The following STIM1 variants were observed in gnomAD, a reference collection of about 807,000 sequenced individuals.
STIM1 encodes stromal interaction molecule 1.
In STIM1, 25 loss-of-function variants were observed where a neutral mutation model predicts 74.7. The ratio of observed to expected loss-of-function variants is 0.33; its 90% CI spans 0.24 to 0.47. STIM1 has a LOEUF of 0.47. Among genes scored for constraint, STIM1 ranks in the 20% least tolerant of loss-of-function variants. The pLI, the probability that STIM1 is intolerant of heterozygous loss-of-function variation, is 1.00. For synonymous variants in STIM1, 328 were observed against 348.8 expected, an observed-to-expected ratio of 0.94 and a Z score of 0.66; for missense variants, 728 against 920.8, an observed-to-expected ratio of 0.79 and a Z score of 2.71.
chr11:4,015,018 GTC>G (rs1565148986), intron 2 of STIM1, among the ~76,000 whole-genome samples: 1 of 152,170 alleles, frequency 6.6e-6, no homozygotes, highest in African/African-American at 2.4e-5. Context: ...ACCACTCTGT[GTC>G]TTTTAATTGG....
Position 4,083,329 on chromosome 11 carries a change from C to T in STIM1, c.1305C>T (p.Ile435=), listed in dbSNP as rs199801171. The change falls in exon 10 of 13, where the codon ATC becomes ATT. Residue 435 remains isoleucine (I), a synonymous_variant. Transcript: ENST00000526596. ...TGCACCGCTGGCAACAGATCGAGAT[C>T]CTCTGTGGCTTCCAGATTGTCAACA... The part of the protein sequence containing the change: ...ERLHRWQQIE[I]LCGFQIVNNP... The T allele has an allele frequency of 2.9e-4, 476 of 1,614,246 alleles. 7 individuals are homozygous for T. The South Asian group carries it at 4.9e-3, about 16-fold the overall frequency.
intron 7 of STIM1, among the ~76,000 whole-genome samples, chr11:4,076,317 C>T (rs968310756): frequency 1.3e-5 from 2 of 151,612 alleles, no homozygotes; most frequent in Non-Finnish European, 2.9e-5. Context: ...AAAAGCCCGT[C>T]TGTACTAAAA....
intron 1 of STIM1, among the ~76,000 whole-genome samples, chr11:3,931,985 T>A (rs1437194722): frequency 6.6e-6 from 1 of 152,218 alleles, no homozygotes; most frequent in Non-Finnish European, 1.5e-5. Context: ...AAATGCTATG[T>A]AAATTGCACG....
At chr11:3,941,673 T>TATATATAGAGAGAGAG (rs141623520) in intron 1 of STIM1, among the ~76,000 whole-genome samples, 5 of 90,732 alleles carry the variant, frequency 5.5e-5, no homozygotes, top group African/African-American at 1.8e-4. Flanking sequence ...TATATATATA[T>TATATATAGAGAGAGAG]AGAGAGAGAG....
At chr11:3,965,664 GAT>G (rs1252751867) in intron 1 of STIM1, among the ~76,000 whole-genome samples, 2 of 152,206 alleles carry the variant, frequency 1.3e-5, no homozygotes, top group Non-Finnish European at 2.9e-5. Flanking sequence ...TTTATGCAGA[GAT>G]ATTTCTTTTT....
At chr11:3,989,416 T>G (rs2093587878) in intron 2 of STIM1, 1 of 740,156 alleles carries the variant, frequency 1.4e-6, no homozygotes. Context: ...CCTCTTGGGC[T>G]CTTCCTTGGC....
At chr11:4,052,876 TCAAA>T (rs1378533552) in intron 3 of STIM1, among the ~76,000 whole-genome samples, 4 of 151,932 alleles carry the variant, frequency 2.6e-5, no homozygotes, top group Non-Finnish European at 4.4e-5. Context: ...TACAAAGAAC[TCAAA>T]CAAAGTTACA....
At position 3,855,944 on chromosome 11, in the gene STIM1, C is replaced by G; in HGVS notation, c.-327C>G. The G allele has an allele frequency of 2.8e-6, 1 of 361,092 alleles. No homozygotes were observed. The highest frequency in any genetic ancestry group is 2.8e-5 in the South Asian group (1 of 35,632). 22.4% of individuals were successfully genotyped at this position (361,092 alleles called of 1,614,324 possible). ...GTGCCCGCGGAGACTCCGGCCGCCC[C>G]CTTCCGCAGGGGTGTAGTAATCTGC... On this transcript the variant is annotated 5_prime_UTR_variant, in exon 1 of 13. Coordinates refer to ENST00000526596, the MANE Select transcript of STIM1 (RefSeq NM_001382567.1).
chr11:4,088,650 T>C, intron 12 of STIM1: 2 of 1,515,056 alleles, frequency 1.3e-6, no homozygotes, highest in Non-Finnish European at 1.8e-6. Context: ...GAGAGGTACC[T>C]GTATCCACCT....
intron 3 of STIM1, among the ~76,000 whole-genome samples, chr11:4,053,301 A>G (rs1590676823): frequency 6.6e-6 from 1 of 152,226 alleles, no homozygotes; most frequent in African/African-American, 2.4e-5. Context: ...TTGCAGCACT[A>G]TTCAAAATAG....
chr11:3,979,420 T>A (rs1424025628), intron 2 of STIM1, among the ~76,000 whole-genome samples: 1 of 152,214 alleles, frequency 6.6e-6, no homozygotes, highest in East Asian at 1.9e-4. Flanking sequence ...AATCCGATTT[T>A]AGCCTTTCTT....
chr11:3,957,204 A>G (rs1457003873), intron 1 of STIM1, among the ~76,000 whole-genome samples: 2 of 152,194 alleles, frequency 1.3e-5, no homozygotes, highest in African/African-American at 2.4e-5. Flanking sequence ...TCAGAAGTAT[A>G]TCTCATTGCA....
intron 2 of STIM1, among the ~76,000 whole-genome samples, chr11:3,971,992 A>G (rs1490816018): frequency 1.3e-5 from 2 of 152,236 alleles, no homozygotes; most frequent in Admixed American, 6.5e-5. Context: ...CATGGATGAC[A>G]AATGGTCTAC....
chr11:4,080,190 G>A (rs759118659), intron 7 of STIM1, among the ~76,000 whole-genome samples: 1 of 152,128 alleles, frequency 6.6e-6, no homozygotes, highest in Non-Finnish European at 1.5e-5. Context: ...AGGTTGCAGT[G>A]AGCTGAGACT....
intron 5 of STIM1, 102 bp downstream of exon 5, chr11:4,059,498 C>A: frequency 1.2e-6 from 1 of 851,252 alleles, no homozygotes; most frequent in Non-Finnish European, 2.0e-6. Flanking sequence ...GGCACACCTG[C>A]AAGATAGCAC....
intron 11 of STIM1, among the ~76,000 whole-genome samples, chr11:4,085,687 G>T (rs2094489747): frequency 6.6e-6 from 1 of 152,154 alleles, no homozygotes; most frequent in Non-Finnish European, 1.5e-5. Flanking sequence ...ACCTGTTTCA[G>T]GTGCCTTAAA....
intron 1 of STIM1, among the ~76,000 whole-genome samples, chr11:3,954,242 T>C (rs2093184451): frequency 6.6e-6 from 1 of 152,224 alleles, no homozygotes; most frequent in South Asian, 2.1e-4. Flanking sequence ...TATTTTACTT[T>C]GTAATTCATA....
In STIM1 at chr11:4,008,869, G is replaced by T. The variant is rs113053408; in HGVS notation, c.271-15004G>T. 2.2e-4 allele frequency among the ~76,000 whole-genome samples: 34 copies of T among 152,192 alleles called. 1 individual carries two copies. In the East Asian group the frequency reaches 6.2e-3, roughly 28 times the overall value. ...AGGAATTGATTTTTTTTTCATTGACGTTATAAAGAAATGACATTGAAAGAA... is the reference window on the plus strand; with the variant it reads ...AGGAATTGATTTTTTTTTCATTGACTTTATAAAGAAATGACATTGAAAGAA... On this transcript the variant is annotated intron_variant, in intron 2 of 12. Transcript: ENST00000526596.
intron 1 of STIM1, among the ~76,000 whole-genome samples, chr11:3,927,368 C>G (rs956937629): frequency 6.6e-6 from 1 of 152,140 alleles, no homozygotes; most frequent in Non-Finnish European, 1.5e-5. Context: ...ATCCTAATCA[C>G]GAAGGTTATA....
Sources: allele counts gnomAD v4.1 joint callset (sites outside exome capture counted in the v4.1 genomes callset), GRCh38; gene constraint gnomAD v4.1.1; transcripts MANE v1.5; gene names NCBI Gene and HGNC (gene_info 2026-07-23, HGNC 2026-07-21).